BMPR1A: variants seen among roughly 807,000 people sequenced by gnomAD.
BMPR1A encodes the protein bone morphogenetic protein receptor type-1A.
BMPR1A carries 7 observed loss-of-function variants against 66.0 expected under a neutral mutation model. The observed-to-expected ratio is 0.11, with a 90% confidence interval of 0.06 to 0.20. The LOEUF (loss-of-function observed/expected upper bound fraction) is 0.20, where lower values mean the gene tolerates loss of function less well. Among genes scored for constraint, BMPR1A ranks in the 10% least tolerant of loss-of-function variants. The pLI is 1.00. For missense variants in BMPR1A, 408 were observed against 669.1 expected, an observed-to-expected ratio of 0.61 and a Z score of 4.31; for synonymous variants, 200 against 229.7, an observed-to-expected ratio of 0.87 and a Z score of 1.17.
In BMPR1A at chr10:86,924,061, T is replaced by G; in HGVS notation, c.*342T>G. ...ATTGCCTGTTCATAAAACGGTGCTT[T>G]CTGTGAAAGCCTTAAGAAGATAAAT... On this transcript the variant is annotated 3_prime_UTR_variant, in exon 13 of 13. Transcript: ENST00000372037. The G allele has an allele frequency of 2.4e-6, 1 of 414,868 alleles. No homozygotes were observed. Among genetic ancestry groups the G allele is most frequent in the Non-Finnish European group, 4.5e-6 (1 of 223,282 alleles). 25.7% of individuals were successfully genotyped at this position (414,868 alleles called of 1,614,324 possible).
chr10:86,791,330 A>G (rs1343619210), intron 1 of BMPR1A, among the ~76,000 whole-genome samples: 1 of 151,424 alleles, frequency 6.6e-6, no homozygotes, highest in African/African-American at 2.4e-5. Flanking sequence ...CTTCTGCCTC[A>G]GCCTCTTGAG....
chr10:86,823,659 TTAGGGCAGCTG>T (rs1354834363), intron 1 of BMPR1A, among the ~76,000 whole-genome samples: 1 of 152,224 alleles, frequency 6.6e-6, no homozygotes, highest in African/African-American at 2.4e-5. Context: ...GGCATGGGCC[TTAGGGCAGCTG>T]TATATTTGTC....
intron 1 of BMPR1A, among the ~76,000 whole-genome samples, chr10:86,804,534 C>T (rs1841858767): frequency 6.6e-6 from 1 of 152,102 alleles, no homozygotes. Context: ...AGCCCAGCCA[C>T]ACATGATTTT....
chr10:86,890,975 C>T (rs140063776), intron 4 of BMPR1A, among the ~76,000 whole-genome samples: 2 of 152,254 alleles, frequency 1.3e-5, no homozygotes, highest in East Asian at 3.9e-4. Context: ...AAAAAATTGC[C>T]TGAACAACTC....
intron 1 of BMPR1A, among the ~76,000 whole-genome samples, chr10:86,817,795 A>G (rs1156870670): frequency 6.6e-6 from 1 of 152,190 alleles, no homozygotes. Flanking sequence ...AGGAAAAACT[A>G]ATACCATTCT....
intron 5 of BMPR1A, among the ~76,000 whole-genome samples, chr10:86,894,100 T>C (rs1447355877): frequency 2.0e-5 from 3 of 152,252 alleles, no homozygotes; most frequent in African/African-American, 7.2e-5. Context: ...TATGCAGAAT[T>C]GAGTGTGATA....
chr10:86,912,578 T>C (rs1279992785), intron 8 of BMPR1A, among the ~76,000 whole-genome samples, 194 bp downstream of exon 8: 3 of 152,116 alleles, frequency 2.0e-5, no homozygotes, highest in Non-Finnish European at 4.4e-5. Context: ...AAAAATAGAA[T>C]AGTCAAGTAA....
intron 3 of BMPR1A, chr10:86,889,854 C>T: frequency 1.7e-6 from 1 of 600,222 alleles, no homozygotes; most frequent in South Asian, 2.0e-5. Flanking sequence ...TAGCTGTCTT[C>T]ATGTACCCCG....
At chr10:86,860,696 G>A (rs1002826896) in intron 2 of BMPR1A, among the ~76,000 whole-genome samples, 34 of 151,232 alleles carry the variant, frequency 2.2e-4, no homozygotes, top group African/African-American at 8.3e-4. Context: ...CTTGAACCTG[G>A]GAGGCGGAGG....
chr10:86,767,281 A>G (rs999671308), intron 1 of BMPR1A, among the ~76,000 whole-genome samples: 3 of 152,196 alleles, frequency 2.0e-5, no homozygotes, highest in African/African-American at 7.2e-5. Context: ...TTTGTGCTAA[A>G]ATATTTCGTA....
chr10:86,760,641 T>C (rs1445800293), intron 1 of BMPR1A, among the ~76,000 whole-genome samples: 1 of 152,218 alleles, frequency 6.6e-6, no homozygotes, highest in African/African-American at 2.4e-5. Flanking sequence ...GAAAGGCTCC[T>C]GTCTAGCCTA....
rs375336269 is a variant in BMPR1A at position 86,836,967 on chromosome 10, T to G, written c.-267-1898T>G. Among the ~76,000 whole-genome samples the G allele has an allele frequency of 3.3e-5, 5 of 152,276 alleles. No homozygotes were observed. The East Asian group carries it at 7.7e-4, about 23-fold the overall frequency. On this transcript the variant is annotated intron_variant, in intron 1 of 12. Transcript: ENST00000372037. ...AAAGAAGAAAAGGTTTTCTGAAGTT[T>G]ATGTTAAGTGTTTGTACATGTGGGA...
At chr10:86,830,936 C>T (rs1292161941) in intron 1 of BMPR1A, among the ~76,000 whole-genome samples, 1 of 152,114 alleles carries the variant, frequency 6.6e-6, no homozygotes, top group Non-Finnish European at 1.5e-5. Flanking sequence ...AATCTACTCT[C>T]GGTCTCTGTG....
chr10:86,846,683 G>A (rs573012657), intron 2 of BMPR1A, among the ~76,000 whole-genome samples: 4 of 152,004 alleles, frequency 2.6e-5, no homozygotes, highest in South Asian at 4.2e-4. Context: ...CCTGGGCGAC[G>A]AAGCAAGACT....
intron 1 of BMPR1A, among the ~76,000 whole-genome samples, chr10:86,773,603 A>G (rs1467859191): frequency 1.3e-5 from 2 of 150,898 alleles, no homozygotes; most frequent in Non-Finnish European, 3.0e-5. Context: ...GAAAGAAAAA[A>G]AAAAAAAAAA....
chr10:86,822,441 C>T (rs1244933137), intron 1 of BMPR1A, among the ~76,000 whole-genome samples: 4 of 152,068 alleles, frequency 2.6e-5, no homozygotes, highest in African/African-American at 9.7e-5. Context: ...ATCTGTACAA[C>T]CATTATCACA....
intron 1 of BMPR1A, among the ~76,000 whole-genome samples, chr10:86,772,962 A>T (rs889938499): frequency 2.0e-5 from 3 of 152,196 alleles, no homozygotes; most frequent in Admixed American, 6.5e-5. Flanking sequence ...AAAAAATTCT[A>T]CAATGTTTCT....
chr10:86,866,674 A>G (rs2133267071), intron 2 of BMPR1A, among the ~76,000 whole-genome samples: 1 of 150,822 alleles, frequency 6.6e-6, no homozygotes, highest in South Asian at 2.1e-4. Flanking sequence ...AACTCAGGCA[A>G]GTTTCTTTGC....
At chr10:86,893,974 A>G (rs1416310738) in intron 5 of BMPR1A, among the ~76,000 whole-genome samples, 2 of 152,236 alleles carry the variant, frequency 1.3e-5, no homozygotes, top group Non-Finnish European at 2.9e-5. Context: ...TACTAAGTAA[A>G]AAAAGTGCTT....
Sources: gnomAD v4.1 joint callset for allele counts (sites outside exome capture counted in the v4.1 genomes callset) on GRCh38, gnomAD v4.1.1 for gene constraint, MANE v1.5 for transcripts, NCBI Gene and HGNC (gene_info 2026-07-23, HGNC 2026-07-21) for gene names.